The following TFEC variants were observed in gnomAD, a reference collection of about 807,000 sequenced individuals.
TFEC encodes the protein class E basic helix-loop-helix protein 34.
TFEC carries 31 observed loss-of-function variants against 41.6 expected under a neutral mutation model. The ratio of observed to expected loss-of-function variants is 0.74; its 90% CI spans 0.56 to 1.01. The LOEUF is 1.01. TFEC is among the 50% of genes least tolerant of loss of function. The pLI is 0.00. For synonymous variants in TFEC, 143 were observed against 140.6 expected, an observed-to-expected ratio of 1.02 and a Z score of -0.12; for missense variants, 402 against 404.1, an observed-to-expected ratio of 0.99 and a Z score of 0.04.
intron 1 of TFEC, among the ~76,000 whole-genome samples, chr7:116,138,643 T>C (rs1482715059): frequency 1.3e-5 from 2 of 152,196 alleles, no homozygotes; most frequent in African/African-American, 4.8e-5. Flanking sequence ...TTTTCTGAAA[T>C]GCATTTAAGA....
intron 1 of TFEC, among the ~76,000 whole-genome samples, chr7:116,122,072 T>C (rs1798119253): frequency 6.6e-6 from 1 of 152,054 alleles, no homozygotes; most frequent in South Asian, 2.1e-4. Context: ...GTCTTCAGAC[T>C]TACTGAAGCC....
At chr7:116,114,608 T>A (rs1436904444) in intron 1 of TFEC, among the ~76,000 whole-genome samples, 1 of 151,802 alleles carries the variant, frequency 6.6e-6, no homozygotes, top group Non-Finnish European at 1.5e-5. Context: ...CACACTCCCA[T>A]CCTACACTTC....
At chr7:116,000,058 C>A (rs1360603653) in intron 1 of TFEC, among the ~76,000 whole-genome samples, 1 of 151,966 alleles carries the variant, frequency 6.6e-6, no homozygotes, top group African/African-American at 2.4e-5. Flanking sequence ...AACATTGATG[C>A]AAAAATCCTC....
chr7:116,152,995 A>T (rs1798791600), intron 1 of TFEC, among the ~76,000 whole-genome samples: 1 of 152,190 alleles, frequency 6.6e-6, no homozygotes, highest in Non-Finnish European at 1.5e-5. Flanking sequence ...CCATATGTTC[A>T]AGAAGGTAGA....
intron 1 of TFEC, among the ~76,000 whole-genome samples, chr7:116,005,370 G>A (rs905455548): frequency 1.3e-5 from 2 of 152,162 alleles, no homozygotes; most frequent in African/African-American, 4.8e-5. Context: ...TGAACAATAA[G>A]GTCCAGGATG....
At chr7:116,159,449 G>A (rs187321020) in intron 1 of TFEC, among the ~76,000 whole-genome samples, 18 of 151,830 alleles carry the variant, frequency 1.2e-4, no homozygotes, top group African/African-American at 3.6e-4. Context: ...ACATAGTCTC[G>A]CCAATTCTCT....
intron 3 of TFEC, among the ~76,000 whole-genome samples, chr7:115,970,192 A>G: frequency 6.6e-6 from 1 of 151,994 alleles, no homozygotes; most frequent in Non-Finnish European, 1.5e-5. Flanking sequence ...CAGTAAAATG[A>G]GTGAAAAATC....
intron 3 of TFEC, among the ~76,000 whole-genome samples, chr7:116,055,696 G>A (rs1796413878): frequency 6.6e-6 from 1 of 151,888 alleles, no homozygotes; most frequent in African/African-American, 2.4e-5. Flanking sequence ...TCATCTCAAT[G>A]ATTGCCACAA....
At chr7:116,152,844 G>T (rs11770268) in intron 1 of TFEC, among the ~76,000 whole-genome samples, 74,508 of 151,988 alleles carry the variant, frequency 0.49, 18,870 homozygotes, top group East Asian at 0.7. Context: ...CGATATCCAA[G>T]CAAAAATTAT....
intron 3 of TFEC, among the ~76,000 whole-genome samples, chr7:116,049,467 CA>C (rs1796255553): frequency 6.6e-6 from 1 of 152,152 alleles, no homozygotes; most frequent in South Asian, 2.1e-4. Context: ...CAAGAGCACC[CA>C]GATTCATAAA....
intron 1 of TFEC, among the ~76,000 whole-genome samples, chr7:116,124,314 GAA>G (rs901598926): frequency 3.3e-5 from 5 of 152,118 alleles, no homozygotes; most frequent in African/African-American, 1.2e-4. Context: ...AACAGGTAAT[GAA>G]ATGTTAACTT....
intron 3 of TFEC, among the ~76,000 whole-genome samples, chr7:116,044,506 G>A (rs1796116986): frequency 6.6e-6 from 1 of 152,194 alleles, no homozygotes; most frequent in African/African-American, 2.4e-5. Context: ...CTTATTTTGT[G>A]ATACATACTT....
Position 116,051,881 on chromosome 7 carries a change from A to G in TFEC, c.198+58827T>C, listed in dbSNP as rs935580955. Among the ~76,000 whole-genome samples, 2 of 152,036 alleles carry G rather than the reference A, an allele frequency of 1.3e-5. 1 individual carries two copies. ...CAGATAATAAAACTAAGGATTAGGTAAGTAACTTTTAGTGAGCCACAGGTT... is the reference window on the plus strand; with the variant it reads ...CAGATAATAAAACTAAGGATTAGGTGAGTAACTTTTAGTGAGCCACAGGTT... On this transcript the variant is annotated intron_variant, in intron 3 of 8. Transcript: ENST00000484212.
At chr7:116,084,719 C>A (rs1797164116) in intron 3 of TFEC, among the ~76,000 whole-genome samples, 1 of 151,668 alleles carries the variant, frequency 6.6e-6, no homozygotes, top group African/African-American at 2.4e-5. Context: ...TCACATCATC[C>A]CTTATTTTTC....
intron 1 of TFEC, among the ~76,000 whole-genome samples, chr7:116,141,319 ATAAT>A (rs146559708): frequency 0.014 from 2,150 of 152,258 alleles, 51 homozygotes; most frequent in African/African-American, 0.049. Context: ...AATGTCATAA[ATAAT>A]AAATAATCTT....
intron 3 of TFEC, among the ~76,000 whole-genome samples, chr7:116,036,805 T>C (rs1265960674): frequency 6.6e-6 from 1 of 151,950 alleles, no homozygotes; most frequent in African/African-American, 2.4e-5. Context: ...AAACAAAAAC[T>C]GGTATCAGGA....
upstream of TFEC, among the ~76,000 whole-genome samples, chr7:116,034,122 A>T (rs185460921): frequency 6.6e-6 from 1 of 152,076 alleles, no homozygotes; most frequent in Admixed American, 6.6e-5. Flanking sequence ...TACAGACTCA[A>T]ATTTTCACCT....
rs2130166486 is a variant in TFEC, at chr7:115,940,383, A to G, written c.*168T>C. The G allele has an allele frequency of 1.4e-6, 1 of 717,094 alleles. No homozygotes were observed. Among genetic ancestry groups the G allele is most frequent in the East Asian group, 2.9e-5 (1 of 34,658 alleles). 44.4% of individuals were successfully genotyped at this position (717,094 alleles called of 1,614,324 possible). On this transcript the variant is annotated 3_prime_UTR_variant, in exon 8 of 8. Transcript: ENST00000265440. ...TCGCCCTCAATAATTCATTAACACT[A>G]TGATTTTTCTTCCTGCGAATTCTTC...
At chr7:115,984,630 T>C in intron 1 of TFEC, 117 bp from the exon 2 acceptor site, 1 of 1,222,070 alleles carries the variant, frequency 8.2e-7, no homozygotes, top group Non-Finnish European at 1.1e-6. Flanking sequence ...CTAGTTTCTC[T>C]CCAATCTATC....
Sources: gnomAD v4.1 joint callset for allele counts (sites outside exome capture counted in the v4.1 genomes callset) on GRCh38, gnomAD v4.1.1 for gene constraint, MANE v1.5 for transcripts, NCBI Gene and HGNC (gene_info 2026-07-23, HGNC 2026-07-21) for gene names.